The following HIPK1 variants were observed in gnomAD, a reference collection of about 807,000 sequenced individuals.
The protein encoded by HIPK1 is homeodomain interacting protein kinase 1.
Under a neutral mutation model 117.1 loss-of-function variants are expected in HIPK1, and 28 were observed. The observed-to-expected ratio is 0.24, with a 90% CI of 0.18 to 0.33. HIPK1 has a LOEUF of 0.33. Ranked by LOEUF, HIPK1 falls within the 10% of genes least tolerant of loss-of-function variation. The pLI is 1.00. For missense variants in HIPK1, 1,122 were observed against 1,475.1 expected, an observed-to-expected ratio of 0.76 and a Z score of 3.92; for synonymous variants, 605 against 562.5, an observed-to-expected ratio of 1.08 and a Z score of -1.07.
rs757670762 is a variant in HIPK1 at position 113,941,476 on chromosome 1, G to A, written c.1076+17G>A. 13 of 1,588,184 alleles carry A rather than the reference G, an allele frequency of 8.2e-6. No individual in the cohort carries two copies. The highest frequency in any genetic ancestry group is 1.3e-5 in the African/African-American group (1 of 74,436). The stretch of plus-strand genomic sequence containing the variant: ...TTACTACAGGCAAGTGGCAAATGCT[G>A]AAAATCGTATCTTAGGCTAGAGTTC... On this transcript the variant is annotated intron_variant, in intron 2 of 15. Coordinates refer to ENST00000426820, the MANE Select transcript of HIPK1 (RefSeq NM_198268.3). This position sits in a 1 kb window ranked among gnomAD's most constrained non-coding sequence, Gnocchi z 4.9.
At chr1:113,933,185 A>C in intron 1 of HIPK1, 1 of 985,388 alleles carries the variant, frequency 1.0e-6, no homozygotes. Flanking sequence ...GATACAAAGC[A>C]ACAGCCTCTG....
At chr1:113,943,112 AT>A (rs1670758610) in intron 2 of HIPK1, among the ~76,000 whole-genome samples, 1 of 152,198 alleles carries the variant, frequency 6.6e-6, no homozygotes, top group South Asian at 2.1e-4. Context: ...ATAATAGGAA[AT>A]TTACAATTTT....
At chr1:113,951,309 A>AT in intron 2 of HIPK1, 1 of 974,784 alleles carries the variant, frequency 1.0e-6, no homozygotes, top group Non-Finnish European at 1.2e-6. Context: ...ACTTTTACTT[A>AT]TTGAGAAACA....
chr1:113,953,776 C>T (rs1671523896), intron 3 of HIPK1: 1 of 152,248 alleles, frequency 6.6e-6, no homozygotes, highest in Admixed American at 6.5e-5. Flanking sequence ...GCCTCAGCCT[C>T]CCAAAGTGTT....
At chr1:113,938,146 T>C (rs548541316) in intron 1 of HIPK1, among the ~76,000 whole-genome samples, 164 of 151,138 alleles carry the variant, frequency 1.1e-3, no homozygotes, top group African/African-American at 3.3e-3. Flanking sequence ...TTTTTTTTTT[T>C]CCCGGTAGAG....
chr1:113,944,173 T>G (rs1040897299), intron 2 of HIPK1, among the ~76,000 whole-genome samples: 4 of 132,464 alleles, frequency 3.0e-5, no homozygotes, highest in East Asian at 2.2e-4. Flanking sequence ...TTTTTTTTTT[T>G]TTTTTTTTTT....
intron 8 of HIPK1, among the ~76,000 whole-genome samples, chr1:113,961,826 C>T (rs1248990876): frequency 6.6e-6 from 1 of 151,220 alleles, no homozygotes; most frequent in African/African-American, 2.4e-5. Flanking sequence ...CTCCTGTAGT[C>T]GCAGCTACTT....
At chr1:113,947,402 G>A (rs1221032133) in intron 2 of HIPK1, among the ~76,000 whole-genome samples, 1 of 152,154 alleles carries the variant, frequency 6.6e-6, no homozygotes, top group Non-Finnish European at 1.5e-5. Context: ...GAAGGAAAAC[G>A]TATCTTCCAT....
At chr1:113,968,947 G>A (rs1388499758) in intron 13 of HIPK1, among the ~76,000 whole-genome samples, 1 of 152,180 alleles carries the variant, frequency 6.6e-6, no homozygotes, top group East Asian at 1.9e-4. Flanking sequence ...TTGAACCCAG[G>A]AGGCGGAGGT....
chr1:113,969,935 A>G, intron 13 of HIPK1, 21 bp from the exon 14 acceptor site: 6 of 1,612,900 alleles, frequency 3.7e-6, no homozygotes, highest in Non-Finnish European at 5.1e-6. Context: ...TTCAATTTTC[A>G]TGTATTTTTC....
chr1:113,965,280 G>A (rs1312875460), intron 10 of HIPK1, among the ~76,000 whole-genome samples: 2 of 151,680 alleles, frequency 1.3e-5, no homozygotes, highest in African/African-American at 2.4e-5. Context: ...TTCCAAATCC[G>A]TTCCCATTTT....
rs754445236 is a variant in HIPK1, at chr1:113,958,070, G to C, written c.1760G>C (p.Ser587Thr). 6.8e-6 allele frequency: 11 copies of C among 1,612,516 alleles called. No homozygotes were observed. The highest frequency in any genetic ancestry group is 9.3e-6 in the Non-Finnish European group (11 of 1,178,568). Residue 587 changes from serine to threonine, a missense_variant, in exon 8 of 16, where the codon AGT becomes ACT. Physicochemically the swap from Ser to Thr is moderately conservative, Grantham distance 58. Coordinates refer to ENST00000426820, the MANE Select transcript of HIPK1 (RefSeq NM_198268.3). ...NQLNTVHNQASVLASSSTAAA... is the reference protein window; with the variant it reads ...NQLNTVHNQATVLASSSTAAA... Reference sequence around the variant, plus strand: ...ATATAATCCTTTTGTTTTTAGGCCAGTGTTCTAGCTTCCAGTTCTACTGCA... The same window carrying C: ...ATATAATCCTTTTGTTTTTAGGCCACTGTTCTAGCTTCCAGTTCTACTGCA...
At chr1:113,972,901 G>T in intron 15 of HIPK1, 123 bp from the exon 16 acceptor site, 2 of 990,342 alleles carry the variant, frequency 2.0e-6, no homozygotes, top group Non-Finnish European at 1.4e-6. Context: ...TGCCAGTGTG[G>T]GAGATTATGT....
chr1:113,962,081 A>T (rs1208555916), intron 8 of HIPK1, among the ~76,000 whole-genome samples: 1 of 152,076 alleles, frequency 6.6e-6, no homozygotes, highest in Non-Finnish European at 1.5e-5. Context: ...AAAATTTAGA[A>T]TTCTTTTAAA....
intron 12 of HIPK1, 57 bp from the exon 13 acceptor site, chr1:113,968,385 T>C (rs1672594424): frequency 8.0e-7 from 1 of 1,244,460 alleles, no homozygotes; most frequent in Non-Finnish European, 1.2e-6. Context: ...GGGGAAAAGA[T>C]ACACAATTTG....
rs1228108861 is a variant in HIPK1 at position 113,954,785 on chromosome 1, C to A, written c.1320+15C>A. 6 of 1,610,326 alleles carry A rather than the reference C, an allele frequency of 3.7e-6. No individual in the cohort carries two copies. Among genetic ancestry groups the A allele is most frequent in the Non-Finnish European group, 5.1e-6 (6 of 1,177,182 alleles). On this transcript the variant is annotated intron_variant, in intron 4 of 15. Coordinates refer to ENST00000426820, the MANE Select transcript of HIPK1 (RefSeq NM_198268.3). ...GGAGGCTTAAGGTCTGTCTTCCCTA[C>A]TATGCTTCCGACTCCTGTACTCCAC...
chr1:113,955,483 T>A (rs1377352172), intron 4 of HIPK1, 80 bp from the exon 5 acceptor site: 2 of 842,026 alleles, frequency 2.4e-6, no homozygotes, highest in African/African-American at 3.4e-5. Flanking sequence ...ACTTGTCTCT[T>A]GTATTCTGGC....
intron 12 of HIPK1, among the ~76,000 whole-genome samples, 159 bp from the exon 13 acceptor site, chr1:113,968,283 T>A (rs1347358968): frequency 6.6e-6 from 1 of 150,850 alleles, no homozygotes; most frequent in African/African-American, 2.4e-5. Flanking sequence ...CTTGCCAGCA[T>A]GGTGCTTATT....
At chr1:113,939,405 C>T (rs1447647876) in intron 1 of HIPK1, among the ~76,000 whole-genome samples, 2 of 151,450 alleles carry the variant, frequency 1.3e-5, no homozygotes, top group Non-Finnish European at 2.9e-5. Context: ...CTGGAGCTCC[C>T]TGATTTCTGG....
Sources: gnomAD v4.1 joint callset for allele counts (sites outside exome capture counted in the v4.1 genomes callset) on GRCh38, gnomAD v4.1.1 for gene constraint, Gnocchi (gnomAD v3.1) non-coding constraint, MANE v1.5 for transcripts, NCBI Gene and HGNC (gene_info 2026-07-23, HGNC 2026-07-21) for gene names.